DLC1: variants seen among roughly 807,000 people sequenced by gnomAD.
DLC1 encodes the protein rho GTPase-activating protein 7.
In DLC1, 54 loss-of-function variants were observed where a neutral mutation model predicts 140.3. The ratio of observed to expected loss-of-function variants is 0.38; its 90% CI spans 0.31 to 0.48. The LOEUF is 0.48. Ranked by LOEUF, DLC1 falls within the 20% of genes least tolerant of loss-of-function variation. DLC1 has a pLI of 0.96. For synonymous variants in DLC1, 986 were observed against 728.1 expected, an observed-to-expected ratio of 1.35 and a Z score of -5.70; for missense variants, 2,536 against 1,907.0, an observed-to-expected ratio of 1.33 and a Z score of -6.14.
chr8:13,306,205 A>G (rs1324485589), intron 4 of DLC1, among the ~76,000 whole-genome samples: 1 of 152,212 alleles, frequency 6.6e-6, no homozygotes, highest in East Asian at 1.9e-4. Flanking sequence ...CTGATGTGAA[A>G]GATTTAGAAG....
chr8:13,281,395 A>T (rs895356276), intron 5 of DLC1, among the ~76,000 whole-genome samples: 2 of 152,314 alleles, frequency 1.3e-5, no homozygotes, highest in African/African-American at 4.8e-5. Flanking sequence ...GATTTTCTTC[A>T]AATTGATTAG....
At chr8:13,584,686 A>G (rs1224869894) in intron 1 of DLC1, among the ~76,000 whole-genome samples, 1 of 152,156 alleles carries the variant, frequency 6.6e-6, no homozygotes, top group Non-Finnish European at 1.5e-5. Flanking sequence ...TATATACCAT[A>G]GCTTAGCTGG....
At chr8:13,402,239 T>C (rs1030185366) in intron 2 of DLC1, among the ~76,000 whole-genome samples, 3 of 152,236 alleles carry the variant, frequency 2.0e-5, no homozygotes, top group African/African-American at 7.2e-5. Context: ...TTTTTGTAAA[T>C]GAGTATGGTT....
At chr8:13,516,338 G>A (rs1802585219), upstream of DLC1, among the ~76,000 whole-genome samples, 1 of 152,168 alleles carries the variant, frequency 6.6e-6, no homozygotes, top group Non-Finnish European at 1.5e-5. Flanking sequence ...GATCTATCCT[G>A]TTCTTCTCTG....
At position 13,189,191 on chromosome 8, in the gene DLC1, G is replaced by C. The variant is rs1022613067; in HGVS notation, c.1349-73534C>G. On this transcript the variant is annotated intron_variant, in intron 5 of 17. Coordinates refer to ENST00000276297, the MANE Select transcript of DLC1 (RefSeq NM_182643.3). The stretch of plus-strand genomic sequence containing the variant: ...TTTTATGTAAGGTCATTCAACAATA[G>C]AGGCTAAAATAGCCTCTTCCTGTTA... 2.6e-5 allele frequency among the ~76,000 whole-genome samples: 4 copies of C among 152,206 alleles called. 1 individual carries two copies. The highest frequency in any genetic ancestry group is 6.8e-3 in the Middle Eastern group (2 of 294).
chr8:13,498,907 G>C (rs1241861259), intron 2 of DLC1, 142 bp downstream of exon 2: 25 of 887,934 alleles, frequency 2.8e-5, no homozygotes, highest in Non-Finnish European at 3.9e-5. Flanking sequence ...TTGACCAAGT[G>C]GGTAGTCGTT....
chr8:13,583,608 G>A (rs1188415018), intron 1 of DLC1, among the ~76,000 whole-genome samples: 5 of 152,190 alleles, frequency 3.3e-5, no homozygotes, highest in African/African-American at 1.2e-4. Flanking sequence ...ATAAAGTGAA[G>A]CACTATAAAA....
intron 2 of DLC1, among the ~76,000 whole-genome samples, chr8:13,424,140 T>C (rs1838445433): frequency 6.6e-6 from 1 of 152,020 alleles, no homozygotes; most frequent in African/African-American, 2.4e-5. Flanking sequence ...CTCACAAACT[T>C]TGGAAATTAA....
chr8:13,370,039 C>G (rs1835661951), intron 4 of DLC1, among the ~76,000 whole-genome samples: 1 of 150,880 alleles, frequency 6.6e-6, no homozygotes, highest in African/African-American at 2.4e-5. Flanking sequence ...TGGCTTTTCC[C>G]AGAACATCTA....
chr8:13,217,236 A>T (rs1478299523), intron 5 of DLC1, among the ~76,000 whole-genome samples: 1 of 152,218 alleles, frequency 6.6e-6, no homozygotes, highest in Admixed American at 6.5e-5. Flanking sequence ...ATCCAATAGA[A>T]ATATAATACA....
At chr8:13,176,870 A>T (rs960626440) in intron 5 of DLC1, among the ~76,000 whole-genome samples, 1 of 152,212 alleles carries the variant, frequency 6.6e-6, no homozygotes, top group Admixed American at 6.5e-5. Context: ...CGACAAGGTC[A>T]GAGTAAAGCA....
chr8:13,157,719 A>C (rs992135229), intron 5 of DLC1, among the ~76,000 whole-genome samples: 2 of 152,198 alleles, frequency 1.3e-5, no homozygotes, highest in Non-Finnish European at 2.9e-5. Context: ...GCTATAATTA[A>C]ATTCTATCTG....
intron 1 of DLC1, among the ~76,000 whole-genome samples, chr8:13,547,450 C>G (rs902896448): frequency 6.6e-6 from 1 of 151,978 alleles, no homozygotes; most frequent in African/African-American, 2.4e-5. Flanking sequence ...GTTACTCACC[C>G]AACACAGTCT....
chr8:13,327,699 T>C (rs1833427864), intron 4 of DLC1, among the ~76,000 whole-genome samples: 1 of 152,210 alleles, frequency 6.6e-6, no homozygotes, highest in Admixed American at 6.5e-5. Context: ...CTCTACTCTG[T>C]ATCAGGCACT....
chr8:13,440,186 G>C (rs1798442641), intron 2 of DLC1, among the ~76,000 whole-genome samples: 1 of 152,112 alleles, frequency 6.6e-6, no homozygotes, highest in Non-Finnish European at 1.5e-5. Context: ...TTCGATCATA[G>C]AAGCCTGTTT....
At chr8:13,309,839 T>C (rs1291540166) in intron 4 of DLC1, among the ~76,000 whole-genome samples, 1 of 152,198 alleles carries the variant, frequency 6.6e-6, no homozygotes, top group African/African-American at 2.4e-5. Flanking sequence ...AATCTGAATG[T>C]CTTGTCAATT....
intron 5 of DLC1, among the ~76,000 whole-genome samples, chr8:13,165,034 T>C (rs1008130894): frequency 6.6e-6 from 1 of 152,210 alleles, no homozygotes; most frequent in African/African-American, 2.4e-5. Context: ...TGGATATGGA[T>C]GGCTTTATGA....
At chr8:13,453,422 A>ATG (rs780984849) in intron 2 of DLC1, among the ~76,000 whole-genome samples, 1 of 32,572 alleles carries the variant, frequency 3.1e-5, no homozygotes, top group Non-Finnish European at 4.8e-5. Context: ...ATATATATAT[A>ATG]TGTGTATATA....
chr8:13,279,114 A>C (rs1831273776), intron 5 of DLC1, among the ~76,000 whole-genome samples: 1 of 152,206 alleles, frequency 6.6e-6, no homozygotes, highest in African/African-American at 2.4e-5. Flanking sequence ...CTTTAATCTT[A>C]GCCAAAATAA....
Sources: gnomAD v4.1 joint callset for allele counts (sites outside exome capture counted in the v4.1 genomes callset) on GRCh38, gnomAD v4.1.1 for gene constraint, MANE v1.5 for transcripts, NCBI Gene and HGNC (gene_info 2026-07-23, HGNC 2026-07-21) for gene names.